NFASC: variants seen among roughly 807,000 people sequenced by gnomAD.
NFASC encodes the protein neurofascin homolog.
Under a neutral mutation model 147.5 loss-of-function variants are expected in NFASC, and 43 were observed. The ratio of observed to expected loss-of-function variants is 0.29; its 90% confidence interval spans 0.23 to 0.38. The LOEUF is 0.38. NFASC is among the 10% of genes least tolerant of loss of function. The probability of loss-of-function intolerance (pLI) is 1.00; values close to 1 mark genes in which losing one functional copy is unlikely to be tolerated. For synonymous variants in NFASC, 622 were observed against 665.5 expected, an observed-to-expected ratio of 0.93 and a Z score of 1.01; for missense variants, 1,320 against 1,689.0, an observed-to-expected ratio of 0.78 and a Z score of 3.83.
intron 1 of NFASC, among the ~76,000 whole-genome samples, chr1:204,833,458 C>G (rs1011822890): frequency 6.6e-6 from 1 of 151,534 alleles, no homozygotes; most frequent in Admixed American, 6.6e-5. Flanking sequence ...CCTCCCACCC[C>G]CTCCCCGCCT....
At chr1:204,896,267 G>A (rs2083377352) in intron 1 of NFASC, among the ~76,000 whole-genome samples, 1 of 152,214 alleles carries the variant, frequency 6.6e-6, no homozygotes, top group Non-Finnish European at 1.5e-5. Context: ...ATTCTGAGTA[G>A]CATTTAGACT....
chr1:204,895,227 T>C (rs2083169395), intron 1 of NFASC, among the ~76,000 whole-genome samples: 1 of 152,138 alleles, frequency 6.6e-6, no homozygotes, highest in Non-Finnish European at 1.5e-5. Flanking sequence ...CACAACCCAA[T>C]ATCATATGAC....
In NFASC at chr1:204,987,387, C is replaced by A; in HGVS notation, c.2471-31C>A. 6.2e-7 allele frequency: 1 copy of A among 1,605,718 alleles called. No homozygotes were observed. The highest frequency in any genetic ancestry group is 8.5e-7 in the Non-Finnish European group (1 of 1,174,570). On this transcript the variant is annotated intron_variant, in intron 21 of 29. Transcript: ENST00000339876. The surrounding 1 kb of genome is among the most constrained non-coding windows in gnomAD (Gnocchi z 4.4). The stretch of plus-strand genomic sequence containing the variant: ...CTCATCCTCCCTGCCCCCTCCCCCT[C>A]ATCTCCCCTGCTCTCTCCTCCTTCC...
chr1:204,987,393 C>T lies in NFASC; in HGVS notation c.2471-25C>T, dbSNP rs1318496515. ...CTCCCTGCCCCCTCCCCCTCATCTC[C>T]CCTGCTCTCTCCTCCTTCCCCAAGT... is the stretch of plus-strand genomic sequence containing the variant. On this transcript the variant is annotated intron_variant, in intron 21 of 29. Coordinates refer to ENST00000339876, the MANE Select transcript of NFASC (RefSeq NM_001005388.3). This position sits in a 1 kb window ranked among gnomAD's most constrained non-coding sequence, Gnocchi z 4.4. The T allele has an allele frequency of 1.9e-6, 3 of 1,610,212 alleles. No individual in the cohort carries two copies.
intron 1 of NFASC, among the ~76,000 whole-genome samples, chr1:204,881,390 T>C (rs1355115168): frequency 1.3e-5 from 2 of 152,226 alleles, no homozygotes; most frequent in Non-Finnish European, 2.9e-5. Flanking sequence ...TCTGATTGTA[T>C]TAAAAGTAAT....
intron 1 of NFASC, among the ~76,000 whole-genome samples, chr1:204,831,166 G>C (rs971105654): frequency 6.6e-6 from 1 of 152,098 alleles, no homozygotes; most frequent in Admixed American, 6.5e-5. Flanking sequence ...TGAAGTGGGG[G>C]ATTCTAATAA....
intron 1 of NFASC, among the ~76,000 whole-genome samples, chr1:204,889,197 T>C (rs57861589): frequency 0.047 from 7,210 of 152,338 alleles, 525 homozygotes; most frequent in African/African-American, 0.16. Flanking sequence ...TTTTTACATT[T>C]AAGGAAACTT....
chr1:204,956,425 C>T (rs148334027), intron 7 of NFASC, among the ~76,000 whole-genome samples: 5 of 152,216 alleles, frequency 3.3e-5, no homozygotes, highest in Non-Finnish European at 7.3e-5. Context: ...TTATCACACA[C>T]TCTTCCAGCT....
At chr1:204,916,417 A>G (rs1296023010) in intron 1 of NFASC, among the ~76,000 whole-genome samples, 1 of 152,252 alleles carries the variant, frequency 6.6e-6, no homozygotes, top group Non-Finnish European at 1.5e-5. Flanking sequence ...CTGTCTGTCT[A>G]TATATCTGTC....
Position 204,865,154 on chromosome 1 carries a change from C to A in NFASC, c.-200+36372C>A, listed in dbSNP as rs190912673. 4.9e-3 allele frequency among the ~76,000 whole-genome samples: 753 copies of A among 152,138 alleles called. 6 individuals carry two copies. The highest frequency in any genetic ancestry group is 0.017 in the African/African-American group (713 of 41,502). ...TCCATGAGGGATACATTTCAAGATC[C>A]CCAGTGGTTGCCTGAAACCATGGGT... On this transcript the variant is annotated intron_variant, in intron 1 of 29. Transcript: ENST00000339876.
At chr1:204,925,728 A>T (rs1227413291) in intron 2 of NFASC, among the ~76,000 whole-genome samples, 1 of 152,144 alleles carries the variant, frequency 6.6e-6, no homozygotes, top group African/African-American at 2.4e-5. Flanking sequence ...TGGCTTTAGG[A>T]CTATGGTCTG....
In NFASC at chr1:204,968,244, T is replaced by C. The variant is rs1482805376; in HGVS notation, c.707-5T>C. Reference sequence around the variant, plus strand: ...CTCATGGGAGTTTGTTCTCTCCTGTTTCAGCCCGAGGAGTTGCAGAAAGAA... The same window carrying C: ...CTCATGGGAGTTTGTTCTCTCCTGTCTCAGCCCGAGGAGTTGCAGAAAGAA... On this transcript the variant is annotated splice_region_variant and splice_polypyrimidine_tract_variant and intron_variant, in intron 8 of 29. Coordinates refer to ENST00000339876, the MANE Select transcript of NFASC (RefSeq NM_001005388.3). The surrounding 1 kb of genome is among the most constrained non-coding windows in gnomAD (Gnocchi z 5.4). The C allele has an allele frequency of 6.2e-7, 1 of 1,612,068 alleles. No homozygotes were observed. The highest frequency in any genetic ancestry group is 1.1e-5 in the South Asian group (1 of 91,032).
chr1:204,977,016 C>A, intron 16 of NFASC: 1 of 1,303,800 alleles, frequency 7.7e-7, no homozygotes, highest in Non-Finnish European at 9.7e-7. Flanking sequence ...CATTAACTTC[C>A]CCACGTCTCA....
intron 2 of NFASC, among the ~76,000 whole-genome samples, chr1:204,942,671 C>A (rs2595962): frequency 1.3e-5 from 2 of 151,830 alleles, no homozygotes; most frequent in Non-Finnish European, 2.9e-5. Flanking sequence ...AAAAGTGGAC[C>A]TGGAGAGACC....
chr1:204,853,869 T>C (rs1033745984), intron 1 of NFASC, among the ~76,000 whole-genome samples: 5 of 152,096 alleles, frequency 3.3e-5, no homozygotes, highest in African/African-American at 4.8e-5. Flanking sequence ...GGGTCTCTCC[T>C]GGCAAGGGGG....
At chr1:204,839,333 C>T (rs1334337716) in intron 1 of NFASC, among the ~76,000 whole-genome samples, 1 of 151,474 alleles carries the variant, frequency 6.6e-6, no homozygotes, top group East Asian at 1.9e-4. Context: ...TGGTTGCTCC[C>T]AGTCTAAAGG....
At position 204,952,024 on chromosome 1, in the gene NFASC, A is replaced by C. The variant is rs761905628; in HGVS notation, c.123A>C (p.Pro41=). The stretch of plus-strand genomic sequence containing the variant: ...GCACTGTTGCAGTGACGCAGCCGCC[A>C]ACCATCACCAAGCAGTCAGCGAAGG... ...PSIQNELTQP[P]TITKQSAKDH... The change falls in exon 5 of 30, where the codon CCA becomes CCC. Residue 41 remains proline (P), a synonymous_variant. Coordinates refer to ENST00000339876, the MANE Select transcript of NFASC (RefSeq NM_001005388.3). The C allele has an allele frequency of 2.5e-6, 4 of 1,614,074 alleles. No homozygotes were observed. In the African/African-American group the frequency reaches 5.3e-5, roughly 22 times the overall value.
intron 27 of NFASC, chr1:205,009,090 T>C (rs2096198605): frequency 7.8e-6 from 2 of 257,170 alleles, no homozygotes; most frequent in Non-Finnish European, 1.5e-5. Flanking sequence ...GAAGGTGTTC[T>C]CATAGCAGGT....
chr1:204,883,932 TC>T (rs1327831613), intron 1 of NFASC, among the ~76,000 whole-genome samples: 3 of 152,150 alleles, frequency 2.0e-5, no homozygotes, highest in Non-Finnish European at 4.4e-5. Context: ...AGCGTGGTGC[TC>T]CCTCTGCCAT....
Sources: allele counts gnomAD v4.1 joint callset (sites outside exome capture counted in the v4.1 genomes callset), GRCh38; gene constraint gnomAD v4.1.1; non-coding constraint Gnocchi (gnomAD v3.1); transcripts MANE v1.5; gene names NCBI Gene and HGNC (gene_info 2026-07-23, HGNC 2026-07-21).